Variants in ST18 observed in about 807,000 individuals in gnomAD.
ST18 encodes the protein ST18 C2H2C-type zinc finger transcription factor, also known as suppression of tumorigenicity 18 protein.
A neutral mutation model predicts 110.0 loss-of-function variants in ST18; 50 were observed. The ratio of observed to expected loss-of-function variants is 0.45; its 90% CI spans 0.36 to 0.58. ST18 has a LOEUF of 0.58. Among genes scored for constraint, ST18 ranks in the 20% least tolerant of loss-of-function variants. The probability of loss-of-function intolerance (pLI) is 0.00; values close to 1 mark genes in which losing one functional copy is unlikely to be tolerated. For synonymous variants in ST18, 461 were observed against 452.4 expected, an observed-to-expected ratio of 1.02 and a Z score of -0.24; for missense variants, 1,306 against 1,280.1, an observed-to-expected ratio of 1.02 and a Z score of -0.31.
chr8:52,223,989 A>G (rs1021427316), intron 3 of ST18, among the ~76,000 whole-genome samples: 2 of 152,176 alleles, frequency 1.3e-5, no homozygotes, highest in African/African-American at 4.8e-5. Context: ...TTACCTTAGT[A>G]TTGCTATCCC....
intron 8 of ST18, among the ~76,000 whole-genome samples, chr8:52,181,871 G>T (rs1005039688): frequency 6.6e-6 from 1 of 152,092 alleles, no homozygotes; most frequent in Non-Finnish European, 1.5e-5. Flanking sequence ...AAGGAGACTG[G>T]CTTTGAGGGG....
At chr8:52,379,260 G>T (rs1452909939) in intron 2 of ST18, among the ~76,000 whole-genome samples, 1 of 151,862 alleles carries the variant, frequency 6.6e-6, no homozygotes, top group Non-Finnish European at 1.5e-5. Flanking sequence ...GTTACGCCCA[G>T]CTAATTTTTG....
At chr8:52,374,221 G>T (rs1831314445) in intron 2 of ST18, among the ~76,000 whole-genome samples, 1 of 152,176 alleles carries the variant, frequency 6.6e-6, no homozygotes. Flanking sequence ...CTACATTAGG[G>T]TGTCCTTAAA....
chr8:52,196,572 G>A (rs1241319669), intron 8 of ST18, among the ~76,000 whole-genome samples: 1 of 151,968 alleles, frequency 6.6e-6, no homozygotes, highest in Non-Finnish European at 1.5e-5. Flanking sequence ...GGTGAGTATA[G>A]GACAATAGGT....
chr8:52,374,010 C>T (rs748924350), intron 2 of ST18, among the ~76,000 whole-genome samples: 2 of 152,146 alleles, frequency 1.3e-5, no homozygotes, highest in Non-Finnish European at 2.9e-5. Context: ...TCTCTAATAC[C>T]TCCTTGCCTG....
intron 2 of ST18, among the ~76,000 whole-genome samples, chr8:52,281,062 G>A (rs1489523844): frequency 6.6e-6 from 1 of 152,018 alleles, no homozygotes; most frequent in Non-Finnish European, 1.5e-5. Flanking sequence ...AAAACTAAAA[G>A]TTTAAATGCT....
At chr8:52,261,566 G>A (rs1372032226) in intron 2 of ST18, among the ~76,000 whole-genome samples, 1 of 152,142 alleles carries the variant, frequency 6.6e-6, no homozygotes, top group Non-Finnish European at 1.5e-5. Flanking sequence ...GTTCTATTGA[G>A]TCACTGACTA....
Position 52,285,728 on chromosome 8 carries a change from C to T in ST18, c.-464-55651G>A, listed in dbSNP as rs1489300250. On this transcript the variant is annotated intron_variant, in intron 2 of 25. Transcript: ENST00000689386. ...TGCCCAGAAATGCTATCAAGGCCTTCAACTTCCTTGGAATATATCCAATTT... is the reference window on the plus strand; with the variant it reads ...TGCCCAGAAATGCTATCAAGGCCTTTAACTTCCTTGGAATATATCCAATTT... Among the ~76,000 whole-genome samples the T allele has an allele frequency of 3.3e-5, 5 of 152,322 alleles. 1 individual carries two copies. The East Asian group carries it at 9.7e-4, about 29-fold the overall frequency.
intron 8 of ST18, among the ~76,000 whole-genome samples, chr8:52,195,263 G>A (rs1215148817): frequency 1.3e-5 from 2 of 152,154 alleles, no homozygotes; most frequent in Admixed American, 6.5e-5. Context: ...TTAGAATCAA[G>A]ATACTGAAAG....
At chr8:52,396,756 A>G (rs1223652293) in intron 2 of ST18, among the ~76,000 whole-genome samples, 1 of 152,116 alleles carries the variant, frequency 6.6e-6, no homozygotes, top group Non-Finnish European at 1.5e-5. Context: ...TGATCTAATT[A>G]CTTCCAACAA....
chr8:52,300,849 T>C (rs1386949894), intron 2 of ST18, among the ~76,000 whole-genome samples: 1 of 151,910 alleles, frequency 6.6e-6, no homozygotes. Context: ...TAACTCCTGG[T>C]AAAAAACAAA....
intron 2 of ST18, among the ~76,000 whole-genome samples, chr8:52,324,540 C>T (rs1403385415): frequency 6.6e-6 from 1 of 152,080 alleles, no homozygotes; most frequent in Non-Finnish European, 1.5e-5. Flanking sequence ...ACCATGTAGG[C>T]AGATGCACGG....
chr8:52,298,979 C>T (rs1230808386), intron 2 of ST18, among the ~76,000 whole-genome samples: 2 of 152,068 alleles, frequency 1.3e-5, no homozygotes, highest in Non-Finnish European at 2.9e-5. Flanking sequence ...TGTATTACTG[C>T]GTGTAGATTT....
chr8:52,233,624 A>G (rs536770460), intron 2 of ST18, among the ~76,000 whole-genome samples: 1 of 152,036 alleles, frequency 6.6e-6, no homozygotes, highest in African/African-American at 2.4e-5. Flanking sequence ...TCTGATTGAT[A>G]GTTGTCTCCC....
intron 2 of ST18, among the ~76,000 whole-genome samples, chr8:52,307,276 A>T (rs527502483): frequency 6.6e-6 from 1 of 152,354 alleles, no homozygotes; most frequent in Admixed American, 6.5e-5. Flanking sequence ...TCTTTGAATT[A>T]GCCCAAATTC....
intron 2 of ST18, among the ~76,000 whole-genome samples, chr8:52,360,954 G>A (rs1825452381): frequency 6.6e-6 from 1 of 152,168 alleles, no homozygotes; most frequent in East Asian, 1.9e-4. Context: ...GCTGAAATGT[G>A]TTTTCTCCAA....
intron 2 of ST18, among the ~76,000 whole-genome samples, chr8:52,271,567 A>G (rs1458818349): frequency 6.6e-6 from 1 of 152,240 alleles, no homozygotes; most frequent in Non-Finnish European, 1.5e-5. Flanking sequence ...GAGTATGAGT[A>G]CCCACGTAGT....
chr8:52,118,512 G>A (rs1055360868), intron 23 of ST18, 71 bp from the exon 24 acceptor site: 33 of 847,546 alleles, frequency 3.9e-5, no homozygotes, highest in Non-Finnish European at 5.8e-5. Context: ...TGTTTAATTT[G>A]TGATTTGCTA....
At chr8:52,141,044 C>A (rs1019096932) in intron 17 of ST18, among the ~76,000 whole-genome samples, 16 of 152,142 alleles carry the variant, frequency 1.1e-4, no homozygotes, top group African/African-American at 3.9e-4. Flanking sequence ...AAACAGTGTT[C>A]AAGCCGATTT....
Sources: allele counts gnomAD v4.1 joint callset (sites outside exome capture counted in the v4.1 genomes callset), GRCh38; gene constraint gnomAD v4.1.1; transcripts MANE v1.5; gene names NCBI Gene and HGNC (gene_info 2026-07-23, HGNC 2026-07-21).